The following ABTB3 variants were observed in gnomAD, a reference collection of about 807,000 sequenced individuals.
The protein encoded by ABTB3 is ankyrin repeat and BTB domain containing 3, also known as ankyrin repeat- and BTB/POZ domain-containing protein 3.
chr12:107,398,889 G>A, the ABTB3 span, among the ~76,000 whole-genome samples: 1 of 152,182 alleles, frequency 6.6e-6, no homozygotes, highest in South Asian at 2.1e-4. Context: ...GCTGGACTGT[G>A]GAGACCACAG....
the ABTB3 span, among the ~76,000 whole-genome samples, chr12:107,651,481 G>A: frequency 6.6e-4 from 98 of 148,332 alleles, no homozygotes; most frequent in Admixed American, 2.1e-3. Flanking sequence ...CCGCTCCCCC[G>A]TCTTCCCCCA....
the ABTB3 span, among the ~76,000 whole-genome samples, chr12:107,406,458 T>C: frequency 2.6e-5 from 4 of 152,150 alleles, no homozygotes; most frequent in African/African-American, 9.7e-5. Context: ...CCAATGATGC[T>C]CTACTTTTTC....
At chr12:107,560,478 C>A in the ABTB3 span, among the ~76,000 whole-genome samples, 30 of 151,924 alleles carry the variant, frequency 2.0e-4, no homozygotes, top group Non-Finnish European at 4.3e-4. Flanking sequence ...ATGGCATCTG[C>A]CTGGCCTGCA....
chr12:107,319,118 C>A, the ABTB3 span: 4 of 1,606,574 alleles, frequency 2.5e-6, no homozygotes, highest in Admixed American at 1.7e-5. Flanking sequence ...TGACTCCATG[C>A]ACAGCCGGCA....
chr12:107,647,452 C>T, the ABTB3 span, among the ~76,000 whole-genome samples: 1 of 152,188 alleles, frequency 6.6e-6, no homozygotes, highest in Non-Finnish European at 1.5e-5. Context: ...TTACAGTGAG[C>T]TGTGACCACA....
the ABTB3 span, among the ~76,000 whole-genome samples, chr12:107,590,171 C>G: frequency 6.6e-6 from 1 of 152,232 alleles, no homozygotes; most frequent in Non-Finnish European, 1.5e-5. Context: ...GCCTCAGCCT[C>G]CCAAAGTGCT....
chr12:107,558,652 G>A, the ABTB3 span, among the ~76,000 whole-genome samples: 1 of 152,098 alleles, frequency 6.6e-6, no homozygotes, highest in African/African-American at 2.4e-5. Context: ...GCTGACCTGC[G>A]CCCCTGGCAG....
At chr12:107,612,115 T>G in the ABTB3 span, among the ~76,000 whole-genome samples, 6 of 152,268 alleles carry the variant, frequency 3.9e-5, no homozygotes, top group Non-Finnish European at 8.8e-5. Context: ...GTCTCTAATT[T>G]GGATGTTTTC....
the ABTB3 span, among the ~76,000 whole-genome samples, chr12:107,633,194 A>T: frequency 6.6e-6 from 1 of 152,164 alleles, no homozygotes; most frequent in Non-Finnish European, 1.5e-5. Context: ...TTGGGAGGTG[A>T]GTAGGTCTAC....
chr12:107,469,874 C>CTT, the ABTB3 span, among the ~76,000 whole-genome samples: 1 of 92,954 alleles, frequency 1.1e-5, no homozygotes, highest in African/African-American at 5.2e-5. Flanking sequence ...TCTTTTCTTT[C>CTT]TTTCTTTCTT....
At chr12:107,443,216 T>C in the ABTB3 span, among the ~76,000 whole-genome samples, 64 of 152,176 alleles carry the variant, frequency 4.2e-4, no homozygotes, top group Admixed American at 1.6e-3. Flanking sequence ...TGGGATGCAT[T>C]TGCTCAGAAG....
the ABTB3 span, among the ~76,000 whole-genome samples, chr12:107,426,430 C>G: frequency 2.0e-5 from 3 of 152,266 alleles, no homozygotes; most frequent in East Asian, 5.8e-4. Flanking sequence ...AGCCCGAGGC[C>G]TGGAGTGGGC....
chr12:107,550,190 T>A, the ABTB3 span, among the ~76,000 whole-genome samples: 1 of 152,184 alleles, frequency 6.6e-6, no homozygotes, highest in African/African-American at 2.4e-5. Context: ...CTACATAACC[T>A]GGGATTGCAC....
the ABTB3 span, among the ~76,000 whole-genome samples, chr12:107,387,166 C>G: frequency 6.6e-6 from 1 of 151,976 alleles, no homozygotes. Flanking sequence ...TTAGTAGAGA[C>G]AGGGTTTCAC....
chr12:107,630,730 G>A, the ABTB3 span, among the ~76,000 whole-genome samples: 1 of 152,104 alleles, frequency 6.6e-6, no homozygotes, highest in African/African-American at 2.4e-5. Flanking sequence ...CCACCACACC[G>A]GGTTTTTAAA....
chr12:107,456,469 ATGAGAATC>A, the ABTB3 span, among the ~76,000 whole-genome samples: 215 of 152,304 alleles, frequency 1.4e-3, no homozygotes, highest in African/African-American at 4.9e-3. Flanking sequence ...TGCGCTCCTT[ATGAGAATC>A]TAATGCCTGG....
chr12:107,641,704 G>A, the ABTB3 span, among the ~76,000 whole-genome samples: 2 of 152,174 alleles, frequency 1.3e-5, no homozygotes, highest in Non-Finnish European at 1.5e-5. Context: ...TGCCCTCATG[G>A]AGCAAAATGT....
the ABTB3 span, among the ~76,000 whole-genome samples, chr12:107,451,433 G>A: frequency 6.6e-6 from 1 of 152,220 alleles, no homozygotes; most frequent in African/African-American, 2.4e-5. Flanking sequence ...GTAATGGATG[G>A]ATGTGCTCCC....
the ABTB3 span, among the ~76,000 whole-genome samples, chr12:107,393,926 T>C: frequency 6.6e-6 from 1 of 151,700 alleles, no homozygotes; most frequent in Admixed American, 6.6e-5. Context: ...TGAGACTCCA[T>C]CTCAAAAACA....
Sources: allele counts gnomAD v4.1 joint callset (sites outside exome capture counted in the v4.1 genomes callset), GRCh38; gene constraint gnomAD v4.1.1; transcripts MANE v1.5; gene names NCBI Gene and HGNC (gene_info 2026-07-23, HGNC 2026-07-21).